The following LRCH3 variants were observed in gnomAD, a reference collection of about 807,000 sequenced individuals.
LRCH3 encodes the protein leucine rich repeats and calponin homology domain containing 3.
In LRCH3, 68 loss-of-function variants were observed where a neutral mutation model predicts 104.5. The ratio of observed to expected loss-of-function variants is 0.65; its 90% confidence interval spans 0.54 to 0.80. The LOEUF (loss-of-function observed/expected upper bound fraction) is 0.80. LRCH3 is among the 30% of genes least tolerant of loss of function. LRCH3 has a pLI of 0.00. For missense variants in LRCH3, 951 were observed against 953.9 expected (o/e 1.00, Z 0.04); for synonymous variants, 344 against 361.3 (o/e 0.95, Z 0.54).
At chr3:197,874,417 G>T (rs1464211650) in intron 19 of LRCH3, among the ~76,000 whole-genome samples, 1 of 152,228 alleles carries the variant, frequency 6.6e-6, no homozygotes, top group Non-Finnish European at 1.5e-5. Context: ...TGATCTGTCA[G>T]TGTCTCCCAT....
chr3:197,827,922 C>CA (rs1392723149), intron 5 of LRCH3, among the ~76,000 whole-genome samples: 3 of 151,612 alleles, frequency 2.0e-5, no homozygotes. Flanking sequence ...ACTAAAAATA[C>CA]AAAAATTAGC....
At chr3:197,812,315 T>C (rs1178209308) in intron 1 of LRCH3, among the ~76,000 whole-genome samples, 6 of 152,172 alleles carry the variant, frequency 3.9e-5, no homozygotes, top group African/African-American at 1.4e-4. Flanking sequence ...AACTTCATGT[T>C]GTACCATGTC....
intron 10 of LRCH3, among the ~76,000 whole-genome samples, chr3:197,840,057 G>A (rs1737568225): frequency 6.6e-6 from 1 of 152,052 alleles, no homozygotes; most frequent in Non-Finnish European, 1.5e-5. Context: ...GGATAACAGA[G>A]AGAAATAGTC....
intron 12 of LRCH3, chr3:197,851,020 C>CA (rs1200333690): frequency 2.5e-5 from 19 of 766,200 alleles, no homozygotes; most frequent in Middle Eastern, 3.6e-4. Flanking sequence ...AACAAGGAAA[C>CA]ACGCTCAGAG....
At chr3:197,826,334 G>C (rs1217362464) in intron 4 of LRCH3, among the ~76,000 whole-genome samples, 1 of 152,106 alleles carries the variant, frequency 6.6e-6, no homozygotes, top group Non-Finnish European at 1.5e-5. Context: ...GGGTGAGAAG[G>C]TGCTGAGGTC....
chr3:197,804,045 G>T (rs934868941), intron 1 of LRCH3, among the ~76,000 whole-genome samples: 4 of 152,150 alleles, frequency 2.6e-5, no homozygotes, highest in African/African-American at 9.7e-5. Flanking sequence ...ATCACTTGAG[G>T]TCAGGAGTTC....
At position 197,791,627 on chromosome 3, in the gene LRCH3, C is replaced by T. The variant is rs1730519859; in HGVS notation, c.262+87C>T. The T allele has an allele frequency of 2.1e-6, 3 of 1,407,182 alleles. No individual in the cohort carries two copies. In the South Asian group the frequency reaches 4.2e-5, roughly 20 times the overall value. The allele number at this position is 1,407,182 out of a possible 1,614,324, so 87.2% of individuals were successfully genotyped here. ...GGGGGAGGCGGATGCGGGGGAGTTA[C>T]AGCAGCTCGTCCCGTAGGCGCCGGG... is the stretch of plus-strand genomic sequence containing the variant. On this transcript the variant is annotated intron_variant, in intron 1 of 20. Transcript: ENST00000425562.
chr3:197,816,286 T>TC (rs916526895), intron 2 of LRCH3, among the ~76,000 whole-genome samples: 1 of 152,170 alleles, frequency 6.6e-6, no homozygotes, highest in Admixed American at 6.5e-5. Flanking sequence ...TGTTTTTTTT[T>TC]CTTTTTCTTT....
chr3:197,883,445 T>C lies in LRCH3; in HGVS notation c.2209-96T>C, dbSNP rs2109586936. 7 of 1,424,642 alleles carry C rather than the reference T, an allele frequency of 4.9e-6. No homozygotes were observed. Among genetic ancestry groups the C allele is most frequent in the Non-Finnish European group, 6.5e-6 (7 of 1,081,500 alleles). 88.3% of individuals were successfully genotyped at this position (1,424,642 alleles called of 1,614,324 possible). A position where few individuals can be genotyped will look rare whatever the true frequency, so the allele number is the denominator to read the frequency against. ...TAATTTTCATATCTAAGTTGATGAT[T>C]GTGAAGGGGAGAAGTGCTTATTTTT... On this transcript the variant is annotated intron_variant, in intron 20 of 20. Coordinates refer to ENST00000425562, the MANE Select transcript of LRCH3 (RefSeq NM_001365715.1). The surrounding 1 kb of genome is among the most constrained non-coding windows in gnomAD (Gnocchi z 4.2).
intron 10 of LRCH3, among the ~76,000 whole-genome samples, chr3:197,845,339 T>C (rs1738497219): frequency 7.1e-6 from 1 of 141,596 alleles, no homozygotes; most frequent in South Asian, 2.2e-4. Flanking sequence ...CTCTGGGAGG[T>C]GGAGGTCTCA....
chr3:197,853,788 T>C (rs77041974), intron 13 of LRCH3, among the ~76,000 whole-genome samples: 2,659 of 152,318 alleles, frequency 0.017, 99 homozygotes, highest in African/African-American at 0.061. Context: ...CCTCAAAGAT[T>C]GGCTCCAGCA....
chr3:197,844,334 G>A (rs1311647289), intron 10 of LRCH3, among the ~76,000 whole-genome samples: 1 of 152,180 alleles, frequency 6.6e-6, no homozygotes, highest in Non-Finnish European at 1.5e-5. Context: ...AAAACAAACT[G>A]AGTGGGGTGG....
chr3:197,883,614 TCC>T lies in LRCH3; in HGVS notation c.2283_2284del (p.Leu762GlyfsTer35). ...CAGGTTGCAGTGACGGTCCAGGCTC[TCC>T]TGGAACTTGCCCCACCCAAGCAACA... On this transcript the variant is annotated frameshift_variant, in exon 21 of 21. Coordinates refer to ENST00000425562, the MANE Select transcript of LRCH3 (RefSeq NM_001365715.1). LOFTEE classifies it high-confidence loss of function. The surrounding 1 kb of genome is among the most constrained non-coding windows in gnomAD (Gnocchi z 4.2). 2 of 1,536,128 alleles carry T rather than the reference TCC, an allele frequency of 1.3e-6. No homozygotes were observed. The highest frequency in any genetic ancestry group is 1.7e-6 in the Non-Finnish European group (2 of 1,146,894).
intron 1 of LRCH3, among the ~76,000 whole-genome samples, chr3:197,814,215 C>A (rs1484471725): frequency 2.6e-5 from 4 of 152,140 alleles, no homozygotes; most frequent in Non-Finnish European, 4.4e-5. Context: ...AAGGCACTTA[C>A]TTACACGGCA....
At chr3:197,862,981 TTTATTTATTTA>T (rs199882882) in intron 15 of LRCH3, among the ~76,000 whole-genome samples, 8,221 of 152,106 alleles carry the variant, frequency 0.054, 757 homozygotes, top group African/African-American at 0.19. Context: ...ATGGCCTTGG[TTTATTTATTTA>T]TTATTTATTT....
At chr3:197,882,420 A>G in intron 20 of LRCH3, 1 of 968,964 alleles carries the variant, frequency 1.0e-6, no homozygotes, top group Non-Finnish European at 1.2e-6. Flanking sequence ...AATAAAAAGT[A>G]AGCACAAGTA....
intron 1 of LRCH3, among the ~76,000 whole-genome samples, chr3:197,812,504 G>GTT (rs71623380): frequency 0.042 from 2,051 of 48,876 alleles, 598 homozygotes; most frequent in African/African-American, 0.16. Flanking sequence ...TCTGCTTTCA[G>GTT]TTTTTTTTTT....
intron 2 of LRCH3, among the ~76,000 whole-genome samples, chr3:197,816,355 G>A (rs980998145): frequency 5.9e-5 from 9 of 151,542 alleles, no homozygotes; most frequent in African/African-American, 1.9e-4. Context: ...ATCTTGGCTC[G>A]CCACAACCTC....
intron 1 of LRCH3, among the ~76,000 whole-genome samples, chr3:197,809,822 G>GT (rs910605648): frequency 2.0e-5 from 3 of 152,136 alleles, no homozygotes; most frequent in Admixed American, 2.0e-4. Context: ...AAGAGAGTCT[G>GT]TAATTGCTCT....
Sources: allele counts gnomAD v4.1 joint callset (sites outside exome capture counted in the v4.1 genomes callset), GRCh38; gene constraint gnomAD v4.1.1; non-coding constraint Gnocchi (gnomAD v3.1); transcripts MANE v1.5; gene names NCBI Gene and HGNC (gene_info 2026-07-23, HGNC 2026-07-21).